Variants in MEIS1 observed in about 807,000 individuals in gnomAD.
The protein encoded by MEIS1 is homeobox protein Meis1.
A neutral mutation model predicts 50.8 loss-of-function variants in MEIS1; 5 were observed. The ratio of observed to expected loss-of-function variants is 0.10; its 90% CI spans 0.05 to 0.21. MEIS1 has a LOEUF of 0.21. Among genes scored for constraint, MEIS1 ranks in the 10% least tolerant of loss-of-function variants. The pLI, the probability that MEIS1 is intolerant of heterozygous loss-of-function variation, is 1.00. For missense variants in MEIS1, 318 were observed against 517.3 expected (o/e 0.61, Z 3.74); for synonymous variants, 176 against 179.3 (o/e 0.98, Z 0.15).
At chr2:66,556,060 C>CA (rs397954474) in intron 9 of MEIS1, among the ~76,000 whole-genome samples, 6,324 of 150,278 alleles carry the variant, frequency 0.042, 224 homozygotes, top group South Asian at 0.17. Flanking sequence ...AAAACAAAAA[C>CA]AAAAAAAAAC....
At chr2:66,498,698 C>T (rs1453059728) in intron 7 of MEIS1, among the ~76,000 whole-genome samples, 3 of 152,136 alleles carry the variant, frequency 2.0e-5, no homozygotes, top group Non-Finnish European at 4.4e-5. Context: ...GAGGCTGTCC[C>T]CACGTCCCAC....
At chr2:66,456,851 A>G (rs866124135) in intron 6 of MEIS1, among the ~76,000 whole-genome samples, 17 of 152,220 alleles carry the variant, frequency 1.1e-4, no homozygotes, top group Non-Finnish European at 2.5e-4. Flanking sequence ...CTATTTTCCC[A>G]GAACCAGCAA....
intron 9 of MEIS1, among the ~76,000 whole-genome samples, chr2:66,561,566 T>A (rs1489700465): frequency 6.6e-6 from 1 of 152,214 alleles, no homozygotes; most frequent in Non-Finnish European, 1.5e-5. Flanking sequence ...ACTAAGTTTT[T>A]ATAGAGATAT....
intron 7 of MEIS1, among the ~76,000 whole-genome samples, chr2:66,477,701 C>A (rs986349533): frequency 2.0e-5 from 3 of 152,164 alleles, no homozygotes; most frequent in African/African-American, 7.2e-5. Context: ...TCCCCCTTTG[C>A]TTGACAACTG....
intron 7 of MEIS1, among the ~76,000 whole-genome samples, chr2:66,479,530 T>C (rs1010212460): frequency 1.3e-5 from 2 of 152,350 alleles, no homozygotes; most frequent in African/African-American, 2.4e-5. Context: ...TATGATAATA[T>C]GATTTTTTTG....
chr2:66,435,651 G>T lies in MEIS1; in HGVS notation c.-206G>T, dbSNP rs1671780647. The stretch of plus-strand genomic sequence containing the variant: ...TGGAAACGGAGCGCTTTTATGCTCA[G>T]TGACTCGGGCGCTTTGCTTCAGGTC... On this transcript the variant is annotated 5_prime_UTR_variant, in exon 1 of 13. Transcript: ENST00000272369. 4.5e-6 allele frequency: 2 copies of T among 447,726 alleles called. No individual in the cohort carries two copies. The highest frequency in any genetic ancestry group is 2.1e-5 in the African/African-American group (1 of 48,122). 27.7% of individuals were successfully genotyped at this position (447,726 alleles called of 1,614,324 possible).
chr2:66,506,043 A>AT (rs1305422293), intron 7 of MEIS1, among the ~76,000 whole-genome samples: 1 of 152,226 alleles, frequency 6.6e-6, no homozygotes, highest in Non-Finnish European at 1.5e-5. Context: ...TCATTTATTC[A>AT]TTTTATAAGC....
intron 8 of MEIS1, among the ~76,000 whole-genome samples, chr2:66,522,885 T>G (rs4544423): frequency 0.53 from 80,018 of 152,094 alleles, 22,730 homozygotes; most frequent in East Asian, 0.78. Flanking sequence ...ACAGCAGAGC[T>G]TTTGGATTTT....
At chr2:66,515,680 T>C (rs1369417278) in intron 8 of MEIS1, among the ~76,000 whole-genome samples, 1 of 152,140 alleles carries the variant, frequency 6.6e-6, no homozygotes, top group Non-Finnish European at 1.5e-5. Flanking sequence ...ATTCCCAGCT[T>C]ATACTTAGTT....
chr2:66,540,383 A>G (rs1674622394), intron 8 of MEIS1, among the ~76,000 whole-genome samples: 1 of 152,048 alleles, frequency 6.6e-6, no homozygotes, highest in African/African-American at 2.4e-5. Flanking sequence ...ATCTTGGGTC[A>G]TTGCAACCTC....
At chr2:66,459,025 G>T (rs897500303) in intron 6 of MEIS1, among the ~76,000 whole-genome samples, 1 of 152,144 alleles carries the variant, frequency 6.6e-6, no homozygotes, top group African/African-American at 2.4e-5. Context: ...TTGTAGACAG[G>T]CACAGCAGGT....
At chr2:66,568,903 C>T in intron 11 of MEIS1, 147 bp downstream of exon 11, 1 of 1,071,292 alleles carries the variant, frequency 9.3e-7, no homozygotes, top group East Asian at 2.4e-5. Flanking sequence ...TAAGATATTG[C>T]AGAGGGGAAG....
intron 7 of MEIS1, among the ~76,000 whole-genome samples, chr2:66,483,280 C>T (rs1673062730): frequency 6.7e-6 from 1 of 149,736 alleles, no homozygotes; most frequent in African/African-American, 2.5e-5. Context: ...GCTATATTGC[C>T]CAGGCAGGTC....
intron 12 of MEIS1, chr2:66,570,417 A>G (rs1157089542): frequency 6.6e-6 from 1 of 152,128 alleles, no homozygotes; most frequent in African/African-American, 2.4e-5. Flanking sequence ...TTTATAAGCA[A>G]TTTTCATTAG....
chr2:66,506,482 C>T lies in MEIS1; in HGVS notation c.743-5667C>T, dbSNP rs1258764701. 3.3e-5 allele frequency among the ~76,000 whole-genome samples: 5 copies of T among 152,058 alleles called. No homozygotes were observed. The East Asian group carries it at 5.8e-4, about 18-fold the overall frequency. On this transcript the variant is annotated intron_variant, in intron 7 of 12. Transcript: ENST00000272369. ...GGAGGTGGAGCTGTGAGTGCCAGTG[C>T]GTATGGGGACTTGGCAAATACTAGG... is the stretch of plus-strand genomic sequence containing the variant.
At chr2:66,511,821 G>C (rs1359762811) in intron 7 of MEIS1, among the ~76,000 whole-genome samples, 1 of 151,300 alleles carries the variant, frequency 6.6e-6, no homozygotes, top group Admixed American at 6.6e-5. Flanking sequence ...TTAACTCCCC[G>C]GTAGGAGTTA....
intron 8 of MEIS1, among the ~76,000 whole-genome samples, chr2:66,539,476 G>A (rs895276790): frequency 6.6e-6 from 1 of 152,170 alleles, no homozygotes; most frequent in African/African-American, 2.4e-5. Context: ...TCGTTTGGAA[G>A]TGAATTTTCC....
chr2:66,555,153 G>T (rs1675023249), intron 9 of MEIS1, among the ~76,000 whole-genome samples: 1 of 152,150 alleles, frequency 6.6e-6, no homozygotes, highest in African/African-American at 2.4e-5. Context: ...GTGTCAGTTA[G>T]ATAAGATTAA....
chr2:66,498,755 T>A (rs781599476), intron 7 of MEIS1, among the ~76,000 whole-genome samples: 11 of 152,148 alleles, frequency 7.2e-5, no homozygotes, highest in Non-Finnish European at 1.3e-4. Context: ...TAGCTTTATT[T>A]GCCTGGAGGG....
Sources: gnomAD v4.1 joint callset for allele counts (sites outside exome capture counted in the v4.1 genomes callset) on GRCh38, gnomAD v4.1.1 for gene constraint, MANE v1.5 for transcripts, NCBI Gene and HGNC (gene_info 2026-07-23, HGNC 2026-07-21) for gene names.